Variants in TNRC6A observed in about 807,000 individuals in gnomAD.
The protein encoded by TNRC6A is trinucleotide repeat containing adaptor 6A.
In TNRC6A, 44 loss-of-function variants were observed where a neutral mutation model predicts 221.2. The observed-to-expected ratio is 0.20, with a 90% CI of 0.16 to 0.26. The LOEUF is 0.26. Ranked by LOEUF, TNRC6A falls within the 10% of genes least tolerant of loss-of-function variation. TNRC6A has a pLI of 1.00. For missense variants in TNRC6A, 2,199 were observed against 2,404.4 expected, an observed-to-expected ratio of 0.91 and a Z score of 1.79; for synonymous variants, 847 against 838.5, an observed-to-expected ratio of 1.01 and a Z score of -0.18.
intron 11 of TNRC6A, 155 bp from the exon 12 acceptor site, chr16:24,804,022 G>A (rs921841961): frequency 1.9e-5 from 13 of 693,822 alleles, no homozygotes; most frequent in Non-Finnish European, 2.7e-5. Context: ...TGTGAGGAAT[G>A]CAAAATTTAT....
chr16:24,806,343 C>G, intron 16 of TNRC6A, 60 bp downstream of exon 16: 1 of 1,576,972 alleles, frequency 6.3e-7, no homozygotes, highest in Non-Finnish European at 8.7e-7. Flanking sequence ...TGCTTATCTC[C>G]ATTGTAGCAA....
intron 1 of TNRC6A, among the ~76,000 whole-genome samples, chr16:24,635,146 T>C (rs1029866429): frequency 1.3e-5 from 2 of 151,188 alleles, no homozygotes; most frequent in Non-Finnish European, 2.9e-5. Flanking sequence ...TTTTCTTTTC[T>C]TTCCTTCTTT....
At chr16:24,620,050 G>A (rs1224792767) in intron 1 of TNRC6A, among the ~76,000 whole-genome samples, 2 of 152,008 alleles carry the variant, frequency 1.3e-5, no homozygotes, top group Admixed American at 6.6e-5. Context: ...GTTGAGGTGG[G>A]AGGATCACTT....
In TNRC6A at chr16:24,797,214, T is replaced by A. The variant is rs530330241; in HGVS notation, c.3562-276T>A. 4.1e-4 allele frequency among the ~76,000 whole-genome samples: 62 copies of A among 152,278 alleles called. 1 individual carries two copies. The Middle Eastern group carries it at 0.017, about 42-fold the overall frequency. The stretch of plus-strand genomic sequence containing the variant: ...GAGGCCCTGTTTTCATATTTGTGGG[T>A]CATCGAGGCCTTTTGCTTCCGTCTT... On this transcript the variant is annotated intron_variant, in intron 9 of 24. Coordinates refer to ENST00000395799, the MANE Select transcript of TNRC6A (RefSeq NM_014494.4).
At chr16:24,807,158 A>G (rs2058451312) in intron 17 of TNRC6A, among the ~76,000 whole-genome samples, 1 of 151,676 alleles carries the variant, frequency 6.6e-6, no homozygotes, top group African/African-American at 2.4e-5. Flanking sequence ...GGCGCGCACC[A>G]CCACGCCCAG....
chr16:24,777,019 A>G lies in TNRC6A; in HGVS notation c.250A>G (p.Asn84Asp). 3 of 1,614,122 alleles carry G rather than the reference A, an allele frequency of 1.9e-6. No homozygotes were observed. The highest frequency in any genetic ancestry group is 2.5e-6 in the Non-Finnish European group (3 of 1,180,034). Reference sequence around the variant, plus strand: ...TTCCACAGCAACCAGCACTAATAATAATGCCAAGCGAGCTACAGCCAACAA... The same window carrying G: ...TTCCACAGCAACCAGCACTAATAATGATGCCAAGCGAGCTACAGCCAACAA... The part of the protein sequence containing the change: ...GTSTATSTNN[N>D]AKRATANNQQ... The change falls in exon 5 of 25, where the codon AAT becomes GAT. Residue 84 changes from asparagine (N) to aspartate (D), a missense_variant. By Grantham distance (23) the Asn-to-Asp change is conservative. Coordinates refer to ENST00000395799, the MANE Select transcript of TNRC6A (RefSeq NM_014494.4).
chr16:24,776,813 A>G, intron 4 of TNRC6A, 120 bp from the exon 5 acceptor site: 1 of 1,501,998 alleles, frequency 6.7e-7, no homozygotes, highest in Non-Finnish European at 8.9e-7. Flanking sequence ...ATCCCTGCTC[A>G]CAGAAAGCTT....
rs2056569238 is a variant in TNRC6A at position 24,729,687 on chromosome 16, G to GCGGCGGCGGCGGCGGCGGTGT, written c.-137_-136insTGTCGGCGGCGGCGGCGGCGG. 2.3e-5 allele frequency: 6 copies of GCGGCGGCGGCGGCGGCGGTGT among 266,546 alleles called. No homozygotes were observed. Among genetic ancestry groups the GCGGCGGCGGCGGCGGCGGTGT allele is most frequent in the South Asian group, 1.2e-4 (1 of 8,224 alleles). 16.5% of individuals were successfully genotyped at this position (266,546 alleles called of 1,614,324 possible). The stretch of plus-strand genomic sequence containing the variant: ...GGGGCCTGCGGCGGCGGCGGTGTCG[G>GCGGCGGCGGCGGCGGCGGTGT]CGGCGGCGGCGGCGGCGGCGGCGGC... On this transcript the variant is annotated 5_prime_UTR_variant, in exon 1 of 25. Transcript: ENST00000395799.
chr16:24,634,040 C>G (rs555007472), intron 1 of TNRC6A, among the ~76,000 whole-genome samples: 2 of 152,108 alleles, frequency 1.3e-5, no homozygotes, highest in African/African-American at 2.4e-5. Flanking sequence ...CTTCAGCCCC[C>G]CAAAGTGCTA....
At position 24,789,684 on chromosome 16, in the gene TNRC6A, G is replaced by C. The variant is rs1408049602; in HGVS notation, c.1042G>C (p.Val348Leu). Residue 348 changes from valine to leucine, a missense_variant, in exon 6 of 25, where the codon GTA becomes CTA. Around this residue, in one of 8 missense-constraint regions of TNRC6A, gnomAD observed 1,405 missense variants for 1,400.2 expected, o/e 1.00. Transcript: ENST00000395799. ...SNNRMNAWGT[V>L]SSSSNGGLNP... Reference sequence around the variant, plus strand: ...CAATAGAATGAATGCTTGGGGCACTGTAAGTTCTTCATCAAATGGAGGGTT... The same window carrying C: ...CAATAGAATGAATGCTTGGGGCACTCTAAGTTCTTCATCAAATGGAGGGTT... 5.6e-6 allele frequency: 9 copies of C among 1,614,194 alleles called. No homozygotes were observed. The highest frequency in any genetic ancestry group is 1.7e-5 in the Admixed American group (1 of 60,032).
intron 3 of TNRC6A, among the ~76,000 whole-genome samples, chr16:24,752,343 A>G (rs1252229639): frequency 6.6e-6 from 1 of 152,184 alleles, no homozygotes; most frequent in East Asian, 1.9e-4. Context: ...ATGATAAATA[A>G]TTCAGTTCTG....
intron 2 of TNRC6A, among the ~76,000 whole-genome samples, chr16:24,670,646 G>A (rs1460260073): frequency 6.6e-6 from 1 of 151,998 alleles, no homozygotes; most frequent in Non-Finnish European, 1.5e-5. Flanking sequence ...CCCCACCTGT[G>A]CCCTGCCCAG....
intron 2 of TNRC6A, among the ~76,000 whole-genome samples, chr16:24,704,908 GCAAGAGGAT>G (rs1169207619): frequency 8.5e-5 from 13 of 152,090 alleles, no homozygotes; most frequent in African/African-American, 3.1e-4. Flanking sequence ...GGAGGCTGAG[GCAAGAGGAT>G]CACTTGAGGC....
Position 24,815,318 on chromosome 16 carries a change from C to T in TNRC6A, c.4831+13C>T. ...AATTGGCCACCAGGTAAAATTTTTT[C>T]TAACACTTTCTTTCATGAGACTGTG... On this transcript the variant is annotated intron_variant, in intron 19 of 24. Transcript: ENST00000395799. The T allele has an allele frequency of 1.9e-6, 3 of 1,613,660 alleles. No homozygotes were observed. The highest frequency in any genetic ancestry group is 1.7e-6 in the Non-Finnish European group (2 of 1,179,676).
intron 3 of TNRC6A, 64 bp downstream of exon 3, chr16:24,750,877 T>A (rs1168843199): frequency 7.6e-7 from 1 of 1,310,584 alleles, no homozygotes. Context: ...AAAATTACTC[T>A]TACAGATTTT....
At chr16:24,794,501 T>C (rs2058177692) in intron 7 of TNRC6A, 43 bp from the exon 8 acceptor site, 1 of 1,572,880 alleles carries the variant, frequency 6.4e-7, no homozygotes, top group Admixed American at 1.9e-5. Context: ...AGGAATTCTT[T>C]TATTAAAGTA....
intron 19 of TNRC6A, 27 bp downstream of exon 19, chr16:24,815,332 C>T: frequency 3.7e-6 from 6 of 1,611,542 alleles, no homozygotes; most frequent in Non-Finnish European, 5.1e-6. Context: ...CACTTTCTTT[C>T]ATGAGACTGT....
At chr16:24,785,315 C>T (rs77602403) in intron 5 of TNRC6A, among the ~76,000 whole-genome samples, 4,605 of 152,270 alleles carry the variant, frequency 0.03, 242 homozygotes, top group African/African-American at 0.1. Context: ...TTAACAATTT[C>T]TTATAACTGA....
chr16:24,785,392 T>C (rs1164800313), intron 5 of TNRC6A, among the ~76,000 whole-genome samples: 1 of 152,254 alleles, frequency 6.6e-6, no homozygotes, highest in Non-Finnish European at 1.5e-5. Context: ...AAGTGTCTTC[T>C]ATAGCCAGCA....
Sources: allele counts gnomAD v4.1 joint callset (sites outside exome capture counted in the v4.1 genomes callset), GRCh38; gene constraint gnomAD v4.1.1; regional missense constraint gnomAD v4.1.1; transcripts MANE v1.5; gene names NCBI Gene and HGNC (gene_info 2026-07-23, HGNC 2026-07-21).